Variants in TMEM229B observed in about 807,000 individuals in gnomAD.
TMEM229B encodes chromosome 14 open reading frame 83.
TMEM229B carries 6 observed loss-of-function variants against 13.7 expected under a neutral mutation model. That is an observed-to-expected ratio of 0.44 (90% confidence interval 0.24 to 0.86). The LOEUF is 0.86. Among genes scored for constraint, TMEM229B ranks in the 40% least tolerant of loss-of-function variants. TMEM229B has a pLI of 0.23. For synonymous variants in TMEM229B, 107 were observed against 102.1 expected, an observed-to-expected ratio of 1.05 and a Z score of -0.29; for missense variants, 170 against 236.0, an observed-to-expected ratio of 0.72 and a Z score of 1.83.
At chr14:67,516,398 A>G (rs79660240), upstream of TMEM229B, among the ~76,000 whole-genome samples, 1,317 of 55,166 alleles carry the variant, frequency 0.024, 27 homozygotes, top group African/African-American at 0.053. Context: ...CTAGCTGGAG[A>G]GGGGGGGAAA....
At chr14:67,502,910 C>T (rs912216680) in intron 1 of TMEM229B, among the ~76,000 whole-genome samples, 4 of 152,062 alleles carry the variant, frequency 2.6e-5, no homozygotes, top group Non-Finnish European at 4.4e-5. Context: ...AAAGTTCCAG[C>T]CTTTGGGAGC....
At chr14:67,494,462 G>A (rs56325362) in intron 1 of TMEM229B, among the ~76,000 whole-genome samples, 2,627 of 152,342 alleles carry the variant, frequency 0.017, 23 homozygotes, top group Non-Finnish European at 0.027. Context: ...TGCTCTATCA[G>A]AGAAGCAGCT....
intron 1 of TMEM229B, chr14:67,533,572 T>G (rs974534536): frequency 6.6e-6 from 1 of 151,690 alleles, no homozygotes; most frequent in African/African-American, 2.4e-5. Context: ...GGGTCTGGCT[T>G]GGGAAGCCGG....
At chr14:67,482,031 T>C (rs17836777) in intron 2 of TMEM229B, among the ~76,000 whole-genome samples, 7,173 of 152,280 alleles carry the variant, frequency 0.047, 384 homozygotes, top group East Asian at 0.24. Context: ...CAGGGTTTCA[T>C]TGAACAACAT....
In TMEM229B at chr14:67,530,222, G is replaced by A. The variant is rs569276088; in HGVS notation, c.-192+3414C>T. ...AGCTTCCATTTATAGATCACTTGCT[G>A]CATGCCAGACAACATACTATCTCAT... is the stretch of plus-strand genomic sequence containing the variant. On this transcript the variant is annotated intron_variant, in intron 1 of 2. Transcript: ENST00000554278. 4.9e-4 allele frequency among the ~76,000 whole-genome samples: 75 copies of A among 152,302 alleles called. 1 individual carries two copies. Among genetic ancestry groups the A allele is most frequent in the South Asian group, 1.2e-3 (6 of 4,828 alleles).
intron 1 of TMEM229B, among the ~76,000 whole-genome samples, chr14:67,495,659 C>T (rs2032337593): frequency 1.3e-5 from 2 of 152,006 alleles, no homozygotes; most frequent in South Asian, 4.2e-4. Context: ...GATTTTTGTA[C>T]TTTTAGTAGA....
intron 1 of TMEM229B, among the ~76,000 whole-genome samples, chr14:67,501,741 A>T (rs778891168): frequency 2.9e-4 from 44 of 152,218 alleles, no homozygotes; most frequent in Non-Finnish European, 5.3e-4. Flanking sequence ...CCCCTATCTA[A>T]GAGCCTTGGA....
At chr14:67,496,753 T>C (rs1245334234) in intron 1 of TMEM229B, among the ~76,000 whole-genome samples, 1 of 138,390 alleles carries the variant, frequency 7.2e-6, no homozygotes, top group Non-Finnish European at 1.6e-5. Flanking sequence ...TTTCCTTCCT[T>C]CCTCCCTCCC....
chr14:67,476,074 C>T (rs891837183), intron 2 of TMEM229B, among the ~76,000 whole-genome samples: 2 of 152,204 alleles, frequency 1.3e-5, no homozygotes, highest in Non-Finnish European at 2.9e-5. Flanking sequence ...CCAGCTCTGC[C>T]AGCTGCTAAT....
intron 2 of TMEM229B, among the ~76,000 whole-genome samples, chr14:67,486,457 TAC>T (rs938082955): frequency 1.3e-5 from 2 of 152,202 alleles, no homozygotes; most frequent in African/African-American, 4.8e-5. Flanking sequence ...GTATTTTTAG[TAC>T]AGATGGGGTT....
At chr14:67,497,765 C>T (rs1313920436) in intron 1 of TMEM229B, among the ~76,000 whole-genome samples, 1 of 151,878 alleles carries the variant, frequency 6.6e-6, no homozygotes, top group African/African-American at 2.4e-5. Context: ...TGGAAAGTCA[C>T]GTCAACCCCA....
intron 1 of TMEM229B, among the ~76,000 whole-genome samples, chr14:67,507,995 G>A (rs977245386): frequency 3.3e-5 from 5 of 152,050 alleles, no homozygotes; most frequent in East Asian, 1.9e-4. Flanking sequence ...AAAATTAGCC[G>A]GACGTGGGGG....
chr14:67,475,410 G>A (rs2031120767), intron 2 of TMEM229B, among the ~76,000 whole-genome samples: 1 of 152,200 alleles, frequency 6.6e-6, no homozygotes, highest in South Asian at 2.1e-4. Flanking sequence ...ATATGCAGAA[G>A]TGGAAATACT....
chr14:67,476,880 C>T (rs2031237854), intron 2 of TMEM229B, among the ~76,000 whole-genome samples: 2 of 152,110 alleles, frequency 1.3e-5, no homozygotes, highest in Non-Finnish European at 2.9e-5. Context: ...AATCCCAGCA[C>T]TTTGGGAGGC....
chr14:67,496,194 A>G (rs1423161745), intron 1 of TMEM229B, among the ~76,000 whole-genome samples: 1 of 152,030 alleles, frequency 6.6e-6, no homozygotes, highest in East Asian at 1.9e-4. Flanking sequence ...ATGTCTTATT[A>G]TTATTTTTAA....
At chr14:67,507,149 G>T (rs2032857205) in intron 1 of TMEM229B, among the ~76,000 whole-genome samples, 1 of 152,068 alleles carries the variant, frequency 6.6e-6, no homozygotes, top group Admixed American at 6.6e-5. Flanking sequence ...AACAGAGGGG[G>T]TTATACTCTC....
Position 67,473,770 on chromosome 14 carries a change from T to G in TMEM229B, c.154A>C (p.Ile52Leu). The G allele has an allele frequency of 6.2e-7, 1 of 1,613,882 alleles. No homozygotes were observed. Among genetic ancestry groups the G allele is most frequent in the Non-Finnish European group, 8.5e-7 (1 of 1,179,930 alleles). Residue 52 changes from isoleucine (I) to leucine (L), a missense_variant, in exon 3 of 3, where the codon ATC becomes CTC. Ile to Leu is a conservative substitution (Grantham distance 5). Coordinates refer to ENST00000554480, the MANE Select transcript of TMEM229B (RefSeq NM_001348543.2). The surrounding 1 kb of genome is among the most constrained non-coding windows in gnomAD (Gnocchi z 6.5). Reference sequence around the variant, plus strand: ...ACGATGAGGATGGAGGTGCCGTAGATGAAGAGGGCCCACACGCTCGTGACC... The same window carrying G: ...ACGATGAGGATGGAGGTGCCGTAGAGGAAGAGGGCCCACACGCTCGTGACC... The part of the protein sequence containing the change: ...PGVTSVWALF[I>L]YGTSILIVER...
chr14:67,525,459 C>T (rs1594723722), intron 1 of TMEM229B, among the ~76,000 whole-genome samples: 1 of 152,176 alleles, frequency 6.6e-6, no homozygotes, highest in African/African-American at 2.4e-5. Context: ...CAATTGGATC[C>T]TTTTCCCCTC....
intron 1 of TMEM229B, among the ~76,000 whole-genome samples, chr14:67,509,770 G>C (rs1037958600): frequency 4.6e-5 from 7 of 152,190 alleles, no homozygotes; most frequent in African/African-American, 1.7e-4. Flanking sequence ...ACTTTGGGAG[G>C]CTGAGGCAGG....
Sources: allele counts gnomAD v4.1 joint callset (sites outside exome capture counted in the v4.1 genomes callset), GRCh38; gene constraint gnomAD v4.1.1; non-coding constraint Gnocchi (gnomAD v3.1); transcripts MANE v1.5; gene names NCBI Gene and HGNC (gene_info 2026-07-23, HGNC 2026-07-21).